The following HS3ST4 variants were observed in gnomAD, a reference collection of about 807,000 sequenced individuals.
HS3ST4 encodes the protein heparan sulfate-glucosamine 3-sulfotransferase 4.
In HS3ST4, 17 loss-of-function variants were observed where a neutral mutation model predicts 29.2. That is an observed-to-expected ratio of 0.58 (90% CI 0.40 to 0.87). The LOEUF (loss-of-function observed/expected upper bound fraction) is 0.87. HS3ST4 is among the 40% of genes least tolerant of loss of function. HS3ST4 has a pLI of 0.00. For missense variants in HS3ST4, 627 were observed against 634.5 expected, an observed-to-expected ratio of 0.99 and a Z score of 0.13; for synonymous variants, 314 against 285.7, an observed-to-expected ratio of 1.10 and a Z score of -1.00.
At chr16:25,934,735 TG>T (rs1296892286) in intron 1 of HS3ST4, among the ~76,000 whole-genome samples, 2 of 152,176 alleles carry the variant, frequency 1.3e-5, no homozygotes, top group Non-Finnish European at 2.9e-5. Context: ...CTGGTTGCTG[TG>T]ATTTGGTAAC....
chr16:26,091,113 A>G (rs574076056), intron 1 of HS3ST4, among the ~76,000 whole-genome samples: 8 of 152,348 alleles, frequency 5.3e-5, no homozygotes, highest in African/African-American at 1.9e-4. Context: ...CAAAGAAAGA[A>G]GCTAGCAGCA....
At chr16:25,813,564 TCTAGC>T (rs1967063968) in intron 1 of HS3ST4, among the ~76,000 whole-genome samples, 1 of 152,172 alleles carries the variant, frequency 6.6e-6, no homozygotes, top group Non-Finnish European at 1.5e-5. Context: ...GCCATTGCAA[TCTAGC>T]CTGGGCAGCA....
intron 1 of HS3ST4, among the ~76,000 whole-genome samples, chr16:25,788,560 T>TC (rs11424859): frequency 8.8e-5 from 13 of 146,994 alleles, no homozygotes; most frequent in African/African-American, 3.3e-4. Flanking sequence ...TTTTTTTTTT[T>TC]GACAGGGTCT....
chr16:25,919,121 G>C (rs895575427), intron 1 of HS3ST4, among the ~76,000 whole-genome samples: 6 of 152,258 alleles, frequency 3.9e-5, no homozygotes, highest in Admixed American at 1.3e-4. Flanking sequence ...AAACTCTTGG[G>C]TTCAAGTGAT....
At chr16:25,762,876 C>CA (rs67260535) in intron 1 of HS3ST4, among the ~76,000 whole-genome samples, 6,063 of 60,400 alleles carry the variant, frequency 0.1, 812 homozygotes, top group East Asian at 0.42. Flanking sequence ...GACCCTGTCT[C>CA]AAAAAAAAAA....
rs201706240 is a variant in HS3ST4 at position 25,715,346 on chromosome 16, C to A, written c.734+22195C>A. Reference sequence around the variant, plus strand: ...TCCGTCTCAAAAAAAAAAAAAAAAACCAAAAAAAAAAAAAACTCAGCGCCT... The same window carrying A: ...TCCGTCTCAAAAAAAAAAAAAAAAAACAAAAAAAAAAAAAACTCAGCGCCT... On this transcript the variant is annotated intron_variant, in intron 1 of 1. Coordinates refer to ENST00000331351, the MANE Select transcript of HS3ST4 (RefSeq NM_006040.3). Among the ~76,000 whole-genome samples the A allele has an allele frequency of 9.9e-3, 111 of 11,268 alleles. 1 individual carries two copies. Among genetic ancestry groups the A allele is most frequent in the Non-Finnish European group, 0.012 (61 of 5,274 alleles). The allele number at this position is 11,268 out of a possible 152,430, so 7.4% of individuals were successfully genotyped here.
chr16:25,698,851 C>T lies in HS3ST4; in HGVS notation c.734+5700C>T, dbSNP rs138272619. Among the ~76,000 whole-genome samples the T allele has an allele frequency of 3.6e-4, 55 of 152,280 alleles. No individual in the cohort carries two copies. In the East Asian group the frequency reaches 9.3e-3, roughly 26 times the overall value. On this transcript the variant is annotated intron_variant, in intron 1 of 1. Transcript: ENST00000331351. The stretch of plus-strand genomic sequence containing the variant: ...ACACAACTTCAGGGCTCAGACAGGT[C>T]GTATAAATGAGCGAGGTAGACTAGG...
chr16:25,930,322 A>G (rs1370948755), intron 1 of HS3ST4, among the ~76,000 whole-genome samples: 1 of 152,170 alleles, frequency 6.6e-6, no homozygotes, highest in Admixed American at 6.5e-5. Context: ...AGACCTCTCT[A>G]GGCCAGCCCT....
intron 1 of HS3ST4, among the ~76,000 whole-genome samples, chr16:25,881,643 G>A (rs1193623833): frequency 6.6e-6 from 1 of 152,080 alleles, no homozygotes; most frequent in Non-Finnish European, 1.5e-5. Context: ...TCATCGTGGG[G>A]CTCTTATCAG....
chr16:26,071,331 G>A (rs374876710), intron 1 of HS3ST4, among the ~76,000 whole-genome samples: 1 of 152,116 alleles, frequency 6.6e-6, no homozygotes, highest in Non-Finnish European at 1.5e-5. Flanking sequence ...CCGTGGGTGC[G>A]GGGTTGTGGT....
intron 1 of HS3ST4, among the ~76,000 whole-genome samples, chr16:25,812,708 T>TC (rs1967053516): frequency 6.6e-6 from 1 of 151,614 alleles, no homozygotes; most frequent in Non-Finnish European, 1.5e-5. Flanking sequence ...ACTTCCTTTT[T>TC]TTTTTTTGTT....
chr16:25,857,488 C>G (rs182970650), intron 1 of HS3ST4, among the ~76,000 whole-genome samples: 6 of 152,276 alleles, frequency 3.9e-5, no homozygotes, highest in South Asian at 2.1e-4. Flanking sequence ...CTTTTATACA[C>G]TTCTGCGTAT....
At chr16:26,057,508 G>A (rs948324031) in intron 1 of HS3ST4, among the ~76,000 whole-genome samples, 9 of 152,120 alleles carry the variant, frequency 5.9e-5, no homozygotes, top group East Asian at 3.9e-4. Flanking sequence ...TAATCTCAGC[G>A]CTGTGGGAGG....
At chr16:25,864,054 G>A (rs141334801) in intron 1 of HS3ST4, among the ~76,000 whole-genome samples, 275 of 152,244 alleles carry the variant, frequency 1.8e-3, no homozygotes, top group Middle Eastern at 6.8e-3. Context: ...CTGTGCACAC[G>A]CCCTCTTCTC....
intron 1 of HS3ST4, among the ~76,000 whole-genome samples, chr16:26,076,996 TG>T (rs1217427406): frequency 1.3e-5 from 2 of 152,228 alleles, no homozygotes; most frequent in Non-Finnish European, 2.9e-5. Flanking sequence ...CCCAAAACTT[TG>T]TGATTCAGAA....
At chr16:25,780,188 C>A (rs1211880239) in intron 1 of HS3ST4, among the ~76,000 whole-genome samples, 1 of 152,154 alleles carries the variant, frequency 6.6e-6, no homozygotes, top group Non-Finnish European at 1.5e-5. Context: ...TGCCTCTGGG[C>A]CCTGGCTCTT....
intron 1 of HS3ST4, among the ~76,000 whole-genome samples, chr16:25,776,613 T>A (rs1966847732): frequency 6.6e-6 from 1 of 152,154 alleles, no homozygotes; most frequent in South Asian, 2.1e-4. Flanking sequence ...AAATAAACTT[T>A]CTAAATTAAC....
At chr16:25,787,837 G>A (rs1966859882) in intron 1 of HS3ST4, among the ~76,000 whole-genome samples, 1 of 152,212 alleles carries the variant, frequency 6.6e-6, no homozygotes, top group Non-Finnish European at 1.5e-5. Context: ...AAGATGCAAT[G>A]TAAGACTTGA....
chr16:25,695,683 A>G (rs1213529656), intron 1 of HS3ST4, among the ~76,000 whole-genome samples: 1 of 151,966 alleles, frequency 6.6e-6, no homozygotes, highest in Non-Finnish European at 1.5e-5. Context: ...TCCTAGTCCA[A>G]CTCTTCATCT....
Sources: allele counts gnomAD v4.1 joint callset (sites outside exome capture counted in the v4.1 genomes callset), GRCh38; gene constraint gnomAD v4.1.1; transcripts MANE v1.5; gene names NCBI Gene and HGNC (gene_info 2026-07-23, HGNC 2026-07-21).